SPACA6: variants seen among roughly 807,000 people sequenced by gnomAD.
SPACA6 encodes sperm acrosome membrane-associated protein 6.
For missense variants in SPACA6, 8 were observed against 2.8 expected (o/e 2.88, Z -1.34); for synonymous variants, 6 against 1.5 (o/e 4.05, Z -2.21).
chr19:51,704,762 C>T, intron 8 of SPACA6: 2 of 385,964 alleles, frequency 5.2e-6, no homozygotes, highest in Non-Finnish European at 9.1e-6. Context: ...CCCAGGATTC[C>T]AGGCCCCAAA....
chr19:51,708,473 C>T (rs2864920), downstream of SPACA6, among the ~76,000 whole-genome samples: 25,498 of 152,030 alleles, frequency 0.17, 2,299 homozygotes, highest in South Asian at 0.24. Context: ...GAGAAAGTGA[C>T]GTTTGAATAA....
At chr19:51,693,279 CT>C, upstream of SPACA6, 1 of 740,460 alleles carries the variant, frequency 1.4e-6, no homozygotes. Flanking sequence ...CCCTGAGACC[CT>C]TTAACCTGTG....
upstream of SPACA6, among the ~76,000 whole-genome samples, chr19:51,685,049 G>GC: frequency 6.6e-6 from 1 of 152,260 alleles, no homozygotes; most frequent in African/African-American, 2.4e-5. Flanking sequence ...ACCCGGTGCC[G>GC]CCTGTTCTAT....
chr19:51,705,442 T>G (rs1204668680), downstream of SPACA6: 2 of 246,738 alleles, frequency 8.1e-6, no homozygotes, highest in African/African-American at 2.2e-5. Flanking sequence ...AAGGCTTTCC[T>G]CCTACCAGAA....
upstream of SPACA6, chr19:51,693,198 C>A: frequency 1.8e-6 from 1 of 564,738 alleles, no homozygotes; most frequent in Admixed American, 2.5e-5. Context: ...TGTCTCTGTG[C>A]CTATCTCCAT....
At chr19:51,692,875 C>A (rs1159120737), upstream of SPACA6, 2 of 534,106 alleles carry the variant, frequency 3.7e-6, no homozygotes, top group Non-Finnish European at 7.7e-6. The surrounding 1 kb of genome is among the most constrained non-coding windows in gnomAD (Gnocchi z 5.6). Context: ...CTGCGCCCTG[C>A]ACGGGACGGG....
At chr19:51,698,372 C>T (rs16982931) in intron 2 of SPACA6, among the ~76,000 whole-genome samples, 10,046 of 152,174 alleles carry the variant, frequency 0.066, 1,143 homozygotes, top group African/African-American at 0.23. Flanking sequence ...TTGGCCTGTT[C>T]GGAACATTTC....
intron 2 of SPACA6, among the ~76,000 whole-genome samples, chr19:51,699,297 A>C (rs2083452290): frequency 1.3e-5 from 2 of 151,656 alleles, no homozygotes. Flanking sequence ...GTGCGGTACC[A>C]CCTCCCTTTT....
At chr19:51,686,786 G>T (rs529892367), upstream of SPACA6, 1 of 152,232 alleles carries the variant, frequency 6.6e-6, no homozygotes, top group South Asian at 2.1e-4. Context: ...CTAATAATAA[G>T]GTTTCTGTGT....
intron 3 of SPACA6, among the ~76,000 whole-genome samples, chr19:51,702,189 C>T (rs2083473713): frequency 6.6e-6 from 1 of 152,114 alleles, no homozygotes; most frequent in Non-Finnish European, 1.5e-5. Context: ...TGGCCCCGCC[C>T]CTTCGATGAA....
intron 3 of SPACA6, 116 bp from the exon 4 acceptor site, chr19:51,702,513 G>T: frequency 2.5e-6 from 1 of 394,440 alleles, no homozygotes. Flanking sequence ...TATGACGAAA[G>T]CTTGGCCCCG....
At chr19:51,706,195 T>A (rs954693936), downstream of SPACA6, among the ~76,000 whole-genome samples, 1 of 152,124 alleles carries the variant, frequency 6.6e-6, no homozygotes, top group Non-Finnish European at 1.5e-5. Context: ...GCGGTTTTTC[T>A]CTGGCCTTTC....
intron 2 of SPACA6, among the ~76,000 whole-genome samples, chr19:51,700,740 T>C (rs1223164423): frequency 6.6e-6 from 1 of 152,174 alleles, no homozygotes; most frequent in Non-Finnish European, 1.5e-5. Context: ...TCATCATCTA[T>C]ATATAAATAT....
upstream of SPACA6, among the ~76,000 whole-genome samples, chr19:51,684,369 G>T (rs2083318962): frequency 6.6e-6 from 1 of 152,164 alleles, no homozygotes; most frequent in Non-Finnish European, 1.5e-5. Flanking sequence ...CAAAAAGAAG[G>T]TATGGCCCAA....
downstream of SPACA6, among the ~76,000 whole-genome samples, chr19:51,707,682 A>C (rs983651653): frequency 6.6e-6 from 1 of 152,152 alleles, no homozygotes; most frequent in Non-Finnish European, 1.5e-5. Context: ...GCGTCGCACT[A>C]CACAGGTTTT....
intron 2 of SPACA6, among the ~76,000 whole-genome samples, chr19:51,700,795 T>C (rs1399433733): frequency 6.6e-6 from 1 of 152,114 alleles, no homozygotes; most frequent in Non-Finnish European, 1.5e-5. Context: ...ATGATTGCGA[T>C]GAGAGACAAA....
downstream of SPACA6, among the ~76,000 whole-genome samples, chr19:51,706,538 T>A (rs1314735936): frequency 6.6e-6 from 1 of 152,124 alleles, no homozygotes; most frequent in Non-Finnish European, 1.5e-5. Flanking sequence ...TTCCTCTGAG[T>A]ATCACAAACC....
chr19:51,709,531 CAAAAAAA>C (rs56170768), downstream of SPACA6, among the ~76,000 whole-genome samples: 3 of 54,466 alleles, frequency 5.5e-5, no homozygotes, highest in East Asian at 5.9e-4. Context: ...AAAAAAAAGG[CAAAAAAA>C]AAAAAAAAAA....
chr19:51,707,179 A>G (rs1009702457), downstream of SPACA6, among the ~76,000 whole-genome samples: 1 of 152,054 alleles, frequency 6.6e-6, no homozygotes, highest in Non-Finnish European at 1.5e-5. Context: ...CAGTACTCAC[A>G]TGGAACTTAC....
Sources: gnomAD v4.1 joint callset for allele counts (sites outside exome capture counted in the v4.1 genomes callset) on GRCh38, gnomAD v4.1.1 for gene constraint, Gnocchi (gnomAD v3.1) non-coding constraint, MANE v1.5 for transcripts, NCBI Gene and HGNC (gene_info 2026-07-23, HGNC 2026-07-21) for gene names.